ARID2: variants seen among roughly 807,000 people sequenced by gnomAD.
The protein encoded by ARID2 is AT-rich interactive domain-containing protein 2.
A neutral mutation model predicts 184.6 loss-of-function variants in ARID2; 32 were observed. The ratio of observed to expected loss-of-function variants is 0.17; its 90% CI spans 0.13 to 0.23. ARID2 has a LOEUF of 0.23. Ranked by LOEUF, ARID2 falls within the 10% of genes least tolerant of loss-of-function variation. The probability of loss-of-function intolerance (pLI) is 1.00; values close to 1 mark genes in which losing one functional copy is unlikely to be tolerated. For missense variants in ARID2, 1,696 were observed against 2,197.6 expected (o/e 0.77, Z 4.56); for synonymous variants, 836 against 772.6 (o/e 1.08, Z -1.36).
chr12:45,850,291 T>C lies in ARID2; in HGVS notation c.2168T>C (p.Ile723Thr). The change falls in exon 15 of 21, where the codon ATA (isoleucine) becomes ACA (threonine). Residue 723 changes from isoleucine to threonine, a missense_variant. Physicochemically the swap from Ile to Thr is moderately conservative, Grantham distance 89. This residue lies in a region of ARID2 where 713 missense variants were observed against 824.4 expected (regional missense o/e 0.86). Coordinates refer to ENST00000334344, the MANE Select transcript of ARID2 (RefSeq NM_152641.4). ...VVKATVIQNS[I>T]PQTGVPVSIA... Reference sequence around the variant, plus strand: ...AAGGCTACAGTTATCCAGAATTCCATACCCCAGACAGGAGTTCCTGTTAGT... The same window carrying C: ...AAGGCTACAGTTATCCAGAATTCCACACCCCAGACAGGAGTTCCTGTTAGT... The C allele has an allele frequency of 6.2e-7, 1 of 1,614,138 alleles. No individual in the cohort carries two copies. The highest frequency in any genetic ancestry group is 1.3e-5 in the African/African-American group (1 of 75,040).
chr12:45,816,404 A>C (rs1031640083), intron 4 of ARID2, among the ~76,000 whole-genome samples: 7 of 152,246 alleles, frequency 4.6e-5, no homozygotes, highest in African/African-American at 1.7e-4. Flanking sequence ...ACTCATTTAG[A>C]GTATTTAGAA....
At chr12:45,735,326 G>A (rs1315632295) in intron 3 of ARID2, among the ~76,000 whole-genome samples, 1 of 151,492 alleles carries the variant, frequency 6.6e-6, no homozygotes, top group African/African-American at 2.4e-5. Flanking sequence ...TCTTATTCAA[G>A]GAAGGAAAAT....
chr12:45,834,440 C>A (rs1320178975), intron 6 of ARID2, among the ~76,000 whole-genome samples: 4 of 152,036 alleles, frequency 2.6e-5, no homozygotes, highest in African/African-American at 9.7e-5. Context: ...TTAAAAAATT[C>A]TATGTTGGCA....
rs890806696 is a variant in ARID2, at chr12:45,906,711, C to T, written c.*1633C>T. 4.3e-6 allele frequency: 1 copy of T among 231,780 alleles called. No individual in the cohort carries two copies. The highest frequency in any genetic ancestry group is 8.5e-6 in the Non-Finnish European group (1 of 117,348). The allele number at this position is 231,780 out of a possible 1,614,324, so 14.4% of individuals were successfully genotyped here. A position where few individuals can be genotyped will look rare whatever the true frequency, so the allele number is the denominator to read the frequency against. On this transcript the variant is annotated 3_prime_UTR_variant, in exon 21 of 21. Coordinates refer to ENST00000334344, the MANE Select transcript of ARID2 (RefSeq NM_152641.4). ...AGAGGTCCTTTACATGACAAATTTG[C>T]ATGAAATAAGCAGATTAACCAAGTA...
chr12:45,804,895 A>G (rs1233699234), intron 3 of ARID2, among the ~76,000 whole-genome samples: 1 of 151,682 alleles, frequency 6.6e-6, no homozygotes, highest in Non-Finnish European at 1.5e-5. Context: ...AATATATTCG[A>G]TTTTTTGCAT....
Position 45,850,481 on chromosome 12 carries a change from C to T in ARID2, c.2358C>T (p.Gly786=), listed in dbSNP as rs1943526402. 1 of 1,614,004 alleles carries T rather than the reference C, an allele frequency of 6.2e-7. No individual in the cohort carries two copies. The highest frequency in any genetic ancestry group is 8.5e-7 in the Non-Finnish European group (1 of 1,179,968). Residue 786 remains glycine (G), a synonymous_variant, in exon 15 of 21, where the codon GGC becomes GGT. Coordinates refer to ENST00000334344, the MANE Select transcript of ARID2 (RefSeq NM_152641.4). The part of the protein sequence containing the change: ...HTVVPGQIPS[G]TPVTVIQQAV... ...TGGTACCAGGACAGATCCCTTCAGG[C>T]ACTCCTGTTACAGTAATTCAACAAG... is the stretch of plus-strand genomic sequence containing the variant.
chr12:45,748,622 T>A (rs538248871), intron 3 of ARID2, among the ~76,000 whole-genome samples: 1 of 152,316 alleles, frequency 6.6e-6, no homozygotes, highest in African/African-American at 2.4e-5. Flanking sequence ...GGTTTCTCTG[T>A]AGCATGTAAT....
At chr12:45,848,528 T>C (rs139923052) in intron 12 of ARID2, among the ~76,000 whole-genome samples, 43 of 152,238 alleles carry the variant, frequency 2.8e-4, no homozygotes, top group African/African-American at 9.1e-4. Context: ...CGAATAGATA[T>C]TCACTAAATA....
At chr12:45,818,221 A>G (rs1942840687) in intron 5 of ARID2, among the ~76,000 whole-genome samples, 1 of 152,156 alleles carries the variant, frequency 6.6e-6, no homozygotes, top group African/African-American at 2.4e-5. Flanking sequence ...TATTACTGCT[A>G]ATGTGTGGCT....
intron 3 of ARID2, among the ~76,000 whole-genome samples, chr12:45,777,339 A>G (rs1942004339): frequency 6.6e-6 from 1 of 152,150 alleles, no homozygotes; most frequent in South Asian, 2.1e-4. Context: ...CTATTTGAGA[A>G]TTTAATTGTA....
intron 6 of ARID2, among the ~76,000 whole-genome samples, chr12:45,824,187 G>A (rs1942952034): frequency 6.6e-6 from 1 of 152,126 alleles, no homozygotes. Context: ...CATCTCAGTT[G>A]TAGATTTGTC....
chr12:45,786,548 G>A (rs1236095276), intron 3 of ARID2, among the ~76,000 whole-genome samples: 5 of 152,190 alleles, frequency 3.3e-5, no homozygotes, highest in Admixed American at 2.0e-4. Flanking sequence ...TTGAAAGGGA[G>A]AAATTAGTAT....
At position 45,836,623 on chromosome 12, in the gene ARID2, G is replaced by A. The variant is rs2138125376; in HGVS notation, c.740G>A (p.Arg247His). 1.9e-6 allele frequency: 3 copies of A among 1,610,896 alleles called. No individual in the cohort carries two copies. Among genetic ancestry groups the A allele is most frequent in the South Asian group, 1.1e-5 (1 of 90,032 alleles). The change falls in exon 7 of 21, where the codon CGT becomes CAT. Residue 247 changes from arginine (R) to histidine (H), a missense_variant. This residue lies in a region of ARID2 where 148 missense variants were observed against 285.4 expected (regional missense o/e 0.52). Transcript: ENST00000334344. ...GACATCGTTGATGATAATGAAGTTC[G>A]TGACCTCATTTCTGACAGAAACAAG... ...WKDIVDDNEVRDLISDRNKSH... is the reference protein window; with the variant it reads ...WKDIVDDNEVHDLISDRNKSH...
At chr12:45,806,367 C>A (rs1323627706) in intron 3 of ARID2, among the ~76,000 whole-genome samples, 1 of 152,104 alleles carries the variant, frequency 6.6e-6, no homozygotes, top group Non-Finnish European at 1.5e-5. Context: ...CCCCAGGGAA[C>A]TTTTTGATGT....
intron 3 of ARID2, among the ~76,000 whole-genome samples, chr12:45,762,032 T>G (rs1941692548): frequency 6.6e-6 from 1 of 152,180 alleles, no homozygotes. Context: ...GCCAATATTT[T>G]CTTTCTCTTA....
chr12:45,873,200 C>T (rs1171479589), intron 16 of ARID2, among the ~76,000 whole-genome samples: 1 of 152,168 alleles, frequency 6.6e-6, no homozygotes, highest in African/African-American at 2.4e-5. Flanking sequence ...GCCACTCCAG[C>T]TTACTTTTAA....
chr12:45,844,216 C>T (rs965048367), intron 11 of ARID2, among the ~76,000 whole-genome samples: 4 of 152,046 alleles, frequency 2.6e-5, no homozygotes, highest in African/African-American at 9.7e-5. Flanking sequence ...GACGGGGTTT[C>T]ACTATGTTGC....
In ARID2 at chr12:45,905,724, T is replaced by C. The variant is rs1944516185; in HGVS notation, c.*646T>C. 2 of 232,884 alleles carry C rather than the reference T, an allele frequency of 8.6e-6. No individual in the cohort carries two copies. Among genetic ancestry groups the C allele is most frequent in the Non-Finnish European group, 1.7e-5 (2 of 117,668 alleles). 14.4% of individuals were successfully genotyped at this position (232,884 alleles called of 1,614,324 possible). A position where few individuals can be genotyped will look rare whatever the true frequency, so the allele number is the denominator to read the frequency against. ...TTGTGAATAGAATGAATACCTTTCATGCCACTGCAGCCACTGGAAATACAT... is the reference window on the plus strand; with the variant it reads ...TTGTGAATAGAATGAATACCTTTCACGCCACTGCAGCCACTGGAAATACAT... On this transcript the variant is annotated 3_prime_UTR_variant, in exon 21 of 21. Transcript: ENST00000334344.
intron 3 of ARID2, among the ~76,000 whole-genome samples, chr12:45,753,888 C>T (rs1224995204): frequency 6.6e-6 from 1 of 152,214 alleles, no homozygotes; most frequent in Non-Finnish European, 1.5e-5. Flanking sequence ...GCCCCCATAA[C>T]AACAACTTGC....
Sources: allele counts gnomAD v4.1 joint callset (sites outside exome capture counted in the v4.1 genomes callset), GRCh38; gene constraint gnomAD v4.1.1; regional missense constraint gnomAD v4.1.1; transcripts MANE v1.5; gene names NCBI Gene and HGNC (gene_info 2026-07-23, HGNC 2026-07-21).